P3H2: variants seen among roughly 807,000 people sequenced by gnomAD.
P3H2 encodes leprecan-like 1.
A neutral mutation model predicts 87.0 loss-of-function variants in P3H2; 80 were observed. The observed-to-expected ratio is 0.92, with a 90% CI of 0.77 to 1.11. The LOEUF (loss-of-function observed/expected upper bound fraction) is 1.11, where lower values mean the gene tolerates loss of function less well. Ranked by LOEUF, P3H2 falls within the 50% of genes least tolerant of loss-of-function variation. P3H2 has a pLI of 0.00. For missense variants in P3H2, 1,001 were observed against 923.9 expected (o/e 1.08, Z -1.08); for synonymous variants, 367 against 359.3 (o/e 1.02, Z -0.24).
chr3:189,978,693 A>G (rs904882809), intron 8 of P3H2, among the ~76,000 whole-genome samples: 4 of 147,690 alleles, frequency 2.7e-5, no homozygotes, highest in East Asian at 2.0e-4. Context: ...TAACCAAAGG[A>G]AAAAAAAAAA....
At chr3:190,012,210 G>GTGTGTGTGTA (rs1192009048) in intron 1 of P3H2, among the ~76,000 whole-genome samples, 1 of 17,002 alleles carries the variant, frequency 5.9e-5, no homozygotes, top group Non-Finnish European at 1.5e-4. Context: ...AGGTAAAGGT[G>GTGTGTGTGTA]TGTGTGTGTG....
intron 1 of P3H2, among the ~76,000 whole-genome samples, chr3:190,011,288 A>T (rs549717173): frequency 0.036 from 5,531 of 151,630 alleles, 289 homozygotes; most frequent in African/African-American, 0.12. Flanking sequence ...AAAAAAAAAA[A>T]TAGAGTTTCA....
chr3:190,044,893 G>A (rs902537757), intron 1 of P3H2, among the ~76,000 whole-genome samples: 5 of 152,180 alleles, frequency 3.3e-5, no homozygotes, highest in Non-Finnish European at 7.3e-5. Flanking sequence ...CCAGAAAAAC[G>A]TGTGAAATCG....
intron 1 of P3H2, among the ~76,000 whole-genome samples, chr3:190,002,116 C>A (rs1201354915): frequency 6.6e-6 from 1 of 151,962 alleles, no homozygotes; most frequent in Non-Finnish European, 1.5e-5. Flanking sequence ...AAAATAATAG[C>A]CATATAGCAA....
chr3:190,106,175 A>G (rs1306244385), intron 1 of P3H2, among the ~76,000 whole-genome samples: 6 of 152,228 alleles, frequency 3.9e-5, no homozygotes, highest in African/African-American at 7.2e-5. Context: ...AATACAAAGA[A>G]GAGGACACAA....
intron 6 of P3H2, among the ~76,000 whole-genome samples, chr3:189,985,770 C>T (rs1402772878): frequency 6.6e-6 from 1 of 151,864 alleles, no homozygotes; most frequent in Non-Finnish European, 1.5e-5. Context: ...ATGCTTAATA[C>T]ATTATGTATA....
chr3:189,958,632 A>T (rs1722712552), intron 14 of P3H2, among the ~76,000 whole-genome samples: 1 of 151,356 alleles, frequency 6.6e-6, no homozygotes, highest in Non-Finnish European at 1.5e-5. Context: ...CACAGGTGTC[A>T]GTAACAACCT....
intron 1 of P3H2, among the ~76,000 whole-genome samples, chr3:190,024,550 A>AAAAG (rs1408953661): frequency 9.9e-4 from 148 of 149,082 alleles, no homozygotes; most frequent in Middle Eastern, 3.5e-3. Flanking sequence ...AAAAAAAAAA[A>AAAAG]AAAGAAAGAA....
At chr3:189,994,337 A>AAAC (rs1577260506) in intron 2 of P3H2, 54 bp from the exon 3 acceptor site, 79 of 973,844 alleles carry the variant, frequency 8.1e-5, no homozygotes, top group East Asian at 4.2e-4. Flanking sequence ...AACAAACAAA[A>AAAC]AAACCCTTAT....
intron 1 of P3H2, among the ~76,000 whole-genome samples, chr3:190,013,971 T>G (rs1188961913): frequency 6.6e-6 from 1 of 152,306 alleles, no homozygotes; most frequent in East Asian, 1.9e-4. Flanking sequence ...TTTCTTGATA[T>G]TTTTCCTGAA....
rs4687122 is a variant in P3H2, at chr3:190,068,643, T to A, written c.480+51609A>T. On this transcript the variant is annotated intron_variant, in intron 1 of 14. Coordinates refer to ENST00000319332, the MANE Select transcript of P3H2 (RefSeq NM_018192.4). ...TTTTCTTTGAAAAACTACTGCTTGC[T>A]CAGTTCATTCCTGGATGAAGGTGGA... Among the ~76,000 whole-genome samples the A allele has an allele frequency of 3.9e-5, 6 of 152,248 alleles. No individual in the cohort carries two copies. In the South Asian group the frequency reaches 1.2e-3, roughly 32 times the overall value.
At chr3:189,962,169 T>TC in intron 14 of P3H2, among the ~76,000 whole-genome samples, 1 of 141,898 alleles carries the variant, frequency 7.0e-6, no homozygotes, top group South Asian at 2.3e-4. Context: ...TTCTTTTTTT[T>TC]TTTTTTTTTT....
intron 8 of P3H2, among the ~76,000 whole-genome samples, chr3:189,982,243 T>C (rs1239242368): frequency 6.6e-6 from 1 of 152,226 alleles, no homozygotes; most frequent in Non-Finnish European, 1.5e-5. Flanking sequence ...AGAGAAGTCA[T>C]TAAATCTTCC....
Position 189,957,651 on chromosome 3 carries a change from T to C in P3H2, c.*261A>G, listed in dbSNP as rs1194760761. 5.8e-6 allele frequency: 3 copies of C among 516,538 alleles called. No individual in the cohort carries two copies. Among genetic ancestry groups the C allele is most frequent in the Non-Finnish European group, 6.9e-6 (2 of 288,238 alleles). 32.0% of individuals were successfully genotyped at this position (516,538 alleles called of 1,614,324 possible). Reference sequence around the variant, plus strand: ...AGTGTGCTATCATCACATCTGTGAATAGCCACTGCCCTATATCCTAGACAA... The same window carrying C: ...AGTGTGCTATCATCACATCTGTGAACAGCCACTGCCCTATATCCTAGACAA... On this transcript the variant is annotated 3_prime_UTR_variant, in exon 15 of 15. Coordinates refer to ENST00000319332, the MANE Select transcript of P3H2 (RefSeq NM_018192.4).
chr3:190,093,333 C>T (rs970138963), intron 1 of P3H2, among the ~76,000 whole-genome samples: 1 of 152,146 alleles, frequency 6.6e-6, no homozygotes, highest in South Asian at 2.1e-4. Flanking sequence ...ATCCTTATTG[C>T]AATGCAAATG....
intron 1 of P3H2, among the ~76,000 whole-genome samples, chr3:190,027,980 AAT>A (rs1725135755): frequency 6.6e-6 from 1 of 151,820 alleles, no homozygotes; most frequent in Non-Finnish European, 1.5e-5. Context: ...AAAAAAAAAA[AAT>A]AAAGAACCAG....
chr3:189,973,503 CTTTCTTTCTT>C (rs1486109120), intron 10 of P3H2, among the ~76,000 whole-genome samples: 3 of 38,522 alleles, frequency 7.8e-5, no homozygotes, highest in African/African-American at 1.4e-4. Flanking sequence ...TTCTTTCTTT[CTTTCTTTCTT>C]TTTTTTTTTT....
Position 190,054,907 on chromosome 3 carries a change from A to G in P3H2, c.481-59465T>C, listed in dbSNP as rs567797422. Among the ~76,000 whole-genome samples, 90 of 152,248 alleles carry G rather than the reference A, an allele frequency of 5.9e-4. 1 individual carries two copies. The highest frequency in any genetic ancestry group is 3.3e-4 in the Admixed American group (5 of 15,284). On this transcript the variant is annotated intron_variant, in intron 1 of 14. Coordinates refer to ENST00000319332, the MANE Select transcript of P3H2 (RefSeq NM_018192.4). ...CCATCTGTAACAGCTCTTCTCTTTC[A>G]ATATCCCTCTTAAATGCCCCCAAAC...
intron 8 of P3H2, among the ~76,000 whole-genome samples, chr3:189,980,130 C>A (rs2108913914): frequency 1.3e-5 from 2 of 152,214 alleles, no homozygotes; most frequent in East Asian, 3.9e-4. Flanking sequence ...TAGGAGCTGT[C>A]CAGTAGGAAT....
Sources: allele counts gnomAD v4.1 joint callset (sites outside exome capture counted in the v4.1 genomes callset), GRCh38; gene constraint gnomAD v4.1.1; transcripts MANE v1.5; gene names NCBI Gene and HGNC (gene_info 2026-07-23, HGNC 2026-07-21).